SERGEF: variants seen among roughly 807,000 people sequenced by gnomAD.
SERGEF encodes the protein secretion-regulating guanine nucleotide exchange factor.
SERGEF carries 51 observed loss-of-function variants against 50.0 expected under a neutral mutation model. The ratio of observed to expected loss-of-function variants is 1.02; its 90% CI spans 0.81 to 1.29. The LOEUF (loss-of-function observed/expected upper bound fraction) is 1.29, where lower values mean the gene tolerates loss of function less well. Among genes scored for constraint, SERGEF ranks in the 50% most tolerant of loss-of-function variants. The probability of loss-of-function intolerance (pLI) is 0.00; values close to 1 mark genes in which losing one functional copy is unlikely to be tolerated. For synonymous variants in SERGEF, 205 were observed against 212.4 expected (o/e 0.97, Z 0.30); for missense variants, 521 against 557.0 (o/e 0.94, Z 0.65).
At chr11:17,806,656 A>G (rs1849761516) in intron 10 of SERGEF, among the ~76,000 whole-genome samples, 1 of 152,176 alleles carries the variant, frequency 6.6e-6, no homozygotes, top group Non-Finnish European at 1.5e-5. Context: ...TCTAATGGGC[A>G]CGAGAAATAT....
At chr11:17,931,144 C>T (rs1045083872) in intron 9 of SERGEF, among the ~76,000 whole-genome samples, 1 of 152,036 alleles carries the variant, frequency 6.6e-6, no homozygotes, top group Non-Finnish European at 1.5e-5. Flanking sequence ...GGTATTCTTT[C>T]TTATTTTAAA....
intron 10 of SERGEF, among the ~76,000 whole-genome samples, chr11:17,848,411 C>A (rs1404201647): frequency 1.3e-5 from 2 of 152,140 alleles, no homozygotes. Flanking sequence ...AGGAAAATGT[C>A]CTAAGGTCAC....
chr11:17,941,808 T>C (rs573641236), intron 9 of SERGEF, among the ~76,000 whole-genome samples: 1 of 152,320 alleles, frequency 6.6e-6, no homozygotes, highest in South Asian at 2.1e-4. Context: ...ATTTTCTGTT[T>C]GGTATAGTAG....
intron 10 of SERGEF, among the ~76,000 whole-genome samples, chr11:17,825,561 G>A (rs1437529123): frequency 6.6e-6 from 1 of 152,172 alleles, no homozygotes; most frequent in Non-Finnish European, 1.5e-5. Flanking sequence ...ACCATTTTCT[G>A]ATCAAATCCT....
At chr11:17,910,500 C>T (rs977730220) in intron 9 of SERGEF, among the ~76,000 whole-genome samples, 8 of 152,176 alleles carry the variant, frequency 5.3e-5, no homozygotes, top group East Asian at 1.9e-4. Flanking sequence ...AATTCTCTCC[C>T]GCTTTAGTCT....
rs942648836 is a variant in SERGEF at position 17,807,329 on chromosome 11, C to G, written c.1049-18916G>C. ...CTTGTGGAATCTTCCTCAAAGAACT[C>G]CCCCCCCACAAAAAAAATTCACCAA... On this transcript the variant is annotated intron_variant, in intron 10 of 10. Coordinates refer to ENST00000265965, the MANE Select transcript of SERGEF (RefSeq NM_012139.4). Among the ~76,000 whole-genome samples the G allele has an allele frequency of 1.5e-4, 9 of 60,578 alleles. No homozygotes were observed. In the South Asian group the frequency reaches 2.2e-3, roughly 14 times the overall value. The allele number at this position is 60,578 out of a possible 152,430, so 39.7% of individuals were successfully genotyped here.
chr11:17,870,093 C>G (rs1409921078), intron 10 of SERGEF, among the ~76,000 whole-genome samples: 1 of 152,160 alleles, frequency 6.6e-6, no homozygotes, highest in African/African-American at 2.4e-5. Flanking sequence ...AGGGGCTCTT[C>G]CCCACTTCAT....
chr11:17,933,838 GA>G (rs1351359242), intron 9 of SERGEF, among the ~76,000 whole-genome samples: 1 of 152,188 alleles, frequency 6.6e-6, no homozygotes, highest in African/African-American at 2.4e-5. Flanking sequence ...AGTGTCTTTG[GA>G]AAATTTGAGT....
intron 10 of SERGEF, among the ~76,000 whole-genome samples, chr11:17,808,673 A>G (rs1474329075): frequency 6.6e-6 from 1 of 152,190 alleles, no homozygotes; most frequent in Admixed American, 6.5e-5. Flanking sequence ...CTGGTCACAA[A>G]TGGGCCCTCC....
At chr11:17,830,643 AGG>A (rs1491424196) in intron 10 of SERGEF, among the ~76,000 whole-genome samples, 4 of 80,606 alleles carry the variant, frequency 5.0e-5, no homozygotes, top group Non-Finnish European at 9.5e-5. Context: ...GGGGAGGGAG[AGG>A]GAGGGAGAGA....
chr11:17,812,789 T>C (rs1460931435), intron 10 of SERGEF, among the ~76,000 whole-genome samples: 1 of 152,220 alleles, frequency 6.6e-6, no homozygotes, highest in Non-Finnish European at 1.5e-5. Context: ...TGGCATATGA[T>C]AAAGCCTCAA....
intron 8 of SERGEF, among the ~76,000 whole-genome samples, chr11:17,968,522 C>A (rs1372269176): frequency 6.6e-6 from 1 of 151,982 alleles, no homozygotes; most frequent in African/African-American, 2.4e-5. Flanking sequence ...GGCAACACAG[C>A]AAGATCCTGT....
At chr11:17,876,358 A>G (rs1851235520) in intron 10 of SERGEF, among the ~76,000 whole-genome samples, 3 of 152,200 alleles carry the variant, frequency 2.0e-5, no homozygotes, top group African/African-American at 4.8e-5. Context: ...CACTGGACAC[A>G]TCTTTCCAGA....
chr11:17,912,353 A>AACAC (rs1851970825), intron 9 of SERGEF, among the ~76,000 whole-genome samples: 1 of 152,242 alleles, frequency 6.6e-6, no homozygotes, highest in African/African-American at 2.4e-5. Context: ...TCTTTAAAAA[A>AACAC]ACACAGGGAA....
intron 10 of SERGEF, among the ~76,000 whole-genome samples, chr11:17,871,951 A>G (rs1851145380): frequency 6.6e-6 from 1 of 152,210 alleles, no homozygotes; most frequent in Non-Finnish European, 1.5e-5. Context: ...AAATGCACAT[A>G]TCTATCAAAA....
Position 17,988,628 on chromosome 11 carries a change from C to A in SERGEF, c.813G>T (p.Trp271Cys). ...GAGCAACCAGGTGTGTCCATCCACT[C>A]CAGATGGCAGTGACCTTTTCATTCT... ...CFQNEKVTAI[W>C]SGWTHLVAQT... The change falls in exon 8 of 11, where the codon TGG becomes TGT. Residue 271 changes from tryptophan to cysteine, a missense_variant. Transcript: ENST00000265965. 6.2e-7 allele frequency: 1 copy of A among 1,614,136 alleles called. No homozygotes were observed. The highest frequency in any genetic ancestry group is 8.5e-7 in the Non-Finnish European group (1 of 1,180,032).
intron 9 of SERGEF, among the ~76,000 whole-genome samples, chr11:17,948,959 G>A (rs868263592): frequency 6.6e-6 from 1 of 152,162 alleles, no homozygotes; most frequent in Non-Finnish European, 1.5e-5. Context: ...GATGCAGGAG[G>A]TGGTGGCCAC....
chr11:17,900,218 C>G (rs61882444), intron 9 of SERGEF, among the ~76,000 whole-genome samples: 20,591 of 152,090 alleles, frequency 0.14, 1,804 homozygotes, highest in Middle Eastern at 0.27. Flanking sequence ...AGCTATGTGA[C>G]CTTGGGCAAG....
rs1354514128 is a variant in SERGEF at position 17,830,567 on chromosome 11, A to AGAGAGGGAGAGAGATGGG, written c.1049-42172_1049-42155dup. ...GGAAGAGAGAGGGAGAGAGAGAGGA[A>AGAGAGGGAGAGAGATGGG]GAGAGGGAGAGAGATGGGGAGAGGG... is the stretch of plus-strand genomic sequence containing the variant. On this transcript the variant is annotated intron_variant, in intron 10 of 10. Coordinates refer to ENST00000265965, the MANE Select transcript of SERGEF (RefSeq NM_012139.4). 1.2e-3 allele frequency among the ~76,000 whole-genome samples: 173 copies of AGAGAGGGAGAGAGATGGG among 144,138 alleles called. 1 individual carries two copies. The highest frequency in any genetic ancestry group is 4.2e-3 in the African/African-American group (165 of 39,208). The allele number at this position is 144,138 out of a possible 152,430, so 94.6% of individuals were successfully genotyped here.
Sources: allele counts gnomAD v4.1 joint callset (sites outside exome capture counted in the v4.1 genomes callset), GRCh38; gene constraint gnomAD v4.1.1; transcripts MANE v1.5; gene names NCBI Gene and HGNC (gene_info 2026-07-23, HGNC 2026-07-21).